Variants in IMMP2L observed in about 807,000 individuals in gnomAD.
The protein encoded by IMMP2L is inner mitochondrial membrane peptidase subunit 2.
A neutral mutation model predicts 19.3 loss-of-function variants in IMMP2L; 18 were observed. The ratio of observed to expected loss-of-function variants is 0.93; its 90% CI spans 0.64 to 1.38. IMMP2L has a LOEUF of 1.38. Among genes scored for constraint, IMMP2L ranks in the 40% most tolerant of loss-of-function variants. The pLI, the probability that IMMP2L is intolerant of heterozygous loss-of-function variation, is 0.00. For missense variants in IMMP2L, 233 were observed against 218.2 expected, an observed-to-expected ratio of 1.07 and a Z score of -0.43; for synonymous variants, 76 against 73.0, an observed-to-expected ratio of 1.04 and a Z score of -0.21.
chr7:110,796,160 C>T (rs1179736335), intron 5 of IMMP2L, among the ~76,000 whole-genome samples: 4 of 151,938 alleles, frequency 2.6e-5, no homozygotes, highest in Non-Finnish European at 2.9e-5. Context: ...TATAAGCTTC[C>T]GGAGGCCTCC....
At chr7:111,243,393 T>A (rs1273397743) in intron 3 of IMMP2L, among the ~76,000 whole-genome samples, 1 of 152,138 alleles carries the variant, frequency 6.6e-6, no homozygotes. Context: ...AATTTTATAT[T>A]CTTGCATGGA....
chr7:111,070,100 T>C (rs1794826001), intron 3 of IMMP2L, among the ~76,000 whole-genome samples: 1 of 152,028 alleles, frequency 6.6e-6, no homozygotes. Context: ...CACATTTTTG[T>C]GAGGAATGTA....
At chr7:110,677,184 T>A (rs535233781) in intron 5 of IMMP2L, among the ~76,000 whole-genome samples, 1 of 152,136 alleles carries the variant, frequency 6.6e-6, no homozygotes, top group Non-Finnish European at 1.5e-5. Context: ...ATAAATAGCA[T>A]AACATTGAGA....
At position 111,522,128 on chromosome 7, in the gene IMMP2L, C is replaced by CA. The variant is rs370448347; in HGVS notation, c.-2-680_-2-679insT. On this transcript the variant is annotated intron_variant, in intron 1 of 5. Transcript: ENST00000405709. ...GGAGGCACCATACTGTCCTGCATTG[C>CA]TTACATTTGGACTGTTAAATCACAG... 1.5e-4 allele frequency among the ~76,000 whole-genome samples: 23 copies of CA among 152,196 alleles called. 2 individuals are homozygous for CA. In the East Asian group the frequency reaches 2.3e-3, roughly 15 times the overall value.
intron 3 of IMMP2L, among the ~76,000 whole-genome samples, chr7:111,074,266 T>C (rs1795200782): frequency 1.3e-5 from 2 of 152,252 alleles, no homozygotes; most frequent in Admixed American, 6.5e-5. Context: ...CTGACTGTCA[T>C]CTTTCCACCT....
chr7:111,473,999 A>G (rs557037121), intron 3 of IMMP2L, among the ~76,000 whole-genome samples: 74 of 152,298 alleles, frequency 4.9e-4, no homozygotes, highest in African/African-American at 1.8e-3. Flanking sequence ...ATAAGAAAGG[A>G]TGAAACCATG....
At chr7:111,293,688 C>T (rs1821347508) in intron 3 of IMMP2L, among the ~76,000 whole-genome samples, 1 of 151,902 alleles carries the variant, frequency 6.6e-6, no homozygotes, top group African/African-American at 2.4e-5. Context: ...AAGTCACATT[C>T]ACAACGTGAA....
chr7:110,753,745 G>A (rs950984283), intron 5 of IMMP2L, among the ~76,000 whole-genome samples: 1 of 139,590 alleles, frequency 7.2e-6, no homozygotes, highest in African/African-American at 3.2e-5. Flanking sequence ...GTGTGTGTGT[G>A]AGTGTGGGGT....
intron 5 of IMMP2L, among the ~76,000 whole-genome samples, chr7:110,852,430 G>C (rs1806331796): frequency 1.3e-5 from 2 of 152,014 alleles, no homozygotes; most frequent in South Asian, 2.1e-4. Context: ...AGGGCAACAT[G>C]ATGGCCAGAA....
At chr7:111,231,953 T>C (rs1360575777) in intron 3 of IMMP2L, among the ~76,000 whole-genome samples, 1 of 151,848 alleles carries the variant, frequency 6.6e-6, no homozygotes, top group African/African-American at 2.4e-5. Context: ...CTTAAGACAA[T>C]TCAAACTGGA....
At position 111,123,545 on chromosome 7, in the gene IMMP2L, A is replaced by G; in HGVS notation, c.240-159980T>C. On this transcript the variant is annotated intron_variant, in intron 3 of 5. Coordinates refer to ENST00000405709, the MANE Select transcript of IMMP2L (RefSeq NM_032549.4). The surrounding 1 kb of genome is among the most constrained non-coding windows in gnomAD (Gnocchi z 6.4). ...AAAGTACCCCATGTTGCTCTTCAAA[A>G]AGTTGTAAATCTCAAATTTTTGGAT... is the stretch of plus-strand genomic sequence containing the variant. 2 of 1,613,910 alleles carry G rather than the reference A, an allele frequency of 1.2e-6. No individual in the cohort carries two copies. The highest frequency in any genetic ancestry group is 1.7e-6 in the Non-Finnish European group (2 of 1,179,946).
At chr7:110,749,453 T>A (rs1162399409) in intron 5 of IMMP2L, among the ~76,000 whole-genome samples, 1 of 152,138 alleles carries the variant, frequency 6.6e-6, no homozygotes, top group African/African-American at 2.4e-5. Context: ...AACGTTATGT[T>A]TATTGTGGCA....
rs1033397005 is a variant in IMMP2L at position 111,182,651 on chromosome 7, C to T, written c.240-219086G>A. On this transcript the variant is annotated intron_variant, in intron 3 of 5. Coordinates refer to ENST00000405709, the MANE Select transcript of IMMP2L (RefSeq NM_032549.4). Reference sequence around the variant, plus strand: ...TTAAAAAAATAAAGAAAGTCAATCACGTTTCTCAGAGAAAATACCTCTGAG... The same window carrying T: ...TTAAAAAAATAAAGAAAGTCAATCATGTTTCTCAGAGAAAATACCTCTGAG... 3.3e-5 allele frequency among the ~76,000 whole-genome samples: 5 copies of T among 151,436 alleles called. 1 individual carries two copies. Among genetic ancestry groups the T allele is most frequent in the Middle Eastern group, 3.2e-3 (1 of 314 alleles).
chr7:111,154,446 GA>G (rs1250202345), intron 3 of IMMP2L, among the ~76,000 whole-genome samples: 2 of 151,958 alleles, frequency 1.3e-5, no homozygotes, highest in African/African-American at 4.8e-5. Flanking sequence ...AATACAATAA[GA>G]AAAATAGCAC....
intron 3 of IMMP2L, among the ~76,000 whole-genome samples, chr7:111,095,906 C>T (rs1420072728): frequency 2.6e-5 from 4 of 151,824 alleles, no homozygotes; most frequent in African/African-American, 9.7e-5. Context: ...CCTCCCCTAC[C>T]CCATCCCAAC....
rs576601986 is a variant in IMMP2L at position 110,885,356 on chromosome 7, T to C, written c.408+1237A>G. ...CTTTTGGATTGGGATGCTCAACTTA[T>C]ATATACGTTAAAAAGTATAGATATG... On this transcript the variant is annotated intron_variant, in intron 5 of 5. Coordinates refer to ENST00000405709, the MANE Select transcript of IMMP2L (RefSeq NM_032549.4). Among the ~76,000 whole-genome samples, 15 of 152,094 alleles carry C rather than the reference T, an allele frequency of 9.9e-5. No individual in the cohort carries two copies. The East Asian group carries it at 1.5e-3, about 16-fold the overall frequency.
intron 3 of IMMP2L, among the ~76,000 whole-genome samples, chr7:110,984,163 A>C (rs1045658996): frequency 2.6e-5 from 4 of 152,064 alleles, no homozygotes; most frequent in African/African-American, 9.7e-5. Flanking sequence ...ATATGGTCCC[A>C]TATACTCTGA....
At chr7:110,759,961 T>G (rs548328378) in intron 5 of IMMP2L, among the ~76,000 whole-genome samples, 1 of 152,220 alleles carries the variant, frequency 6.6e-6, no homozygotes, top group South Asian at 2.1e-4. Flanking sequence ...AATTCTTTAT[T>G]AAGCTTTTTA....
At chr7:111,284,122 C>T (rs948303668) in intron 3 of IMMP2L, among the ~76,000 whole-genome samples, 1 of 152,038 alleles carries the variant, frequency 6.6e-6, no homozygotes, top group Non-Finnish European at 1.5e-5. Flanking sequence ...GTTCTCATGG[C>T]TCTGCCACAG....
Sources: allele counts gnomAD v4.1 joint callset (sites outside exome capture counted in the v4.1 genomes callset), GRCh38; gene constraint gnomAD v4.1.1; non-coding constraint Gnocchi (gnomAD v3.1); transcripts MANE v1.5; gene names NCBI Gene and HGNC (gene_info 2026-07-23, HGNC 2026-07-21).